Variants in PTPRN2 observed in about 807,000 individuals in gnomAD.
The protein encoded by PTPRN2 is protein tyrosine phosphatase receptor type N2.
A neutral mutation model predicts 118.8 loss-of-function variants in PTPRN2; 74 were observed. The ratio of observed to expected loss-of-function variants is 0.62; its 90% confidence interval spans 0.52 to 0.76. The LOEUF (loss-of-function observed/expected upper bound fraction) is 0.76. PTPRN2 is among the 30% of genes least tolerant of loss of function. PTPRN2 has a pLI of 0.00. For missense variants in PTPRN2, 1,481 were observed against 1,394.4 expected (o/e 1.06, Z -0.99); for synonymous variants, 641 against 608.0 (o/e 1.05, Z -0.80).
intron 12 of PTPRN2, among the ~76,000 whole-genome samples, chr7:157,834,263 A>G (rs1372712470): frequency 7.6e-6 from 1 of 131,388 alleles, no homozygotes; most frequent in African/African-American, 3.3e-5. Context: ...CCACCCACCA[A>G]TCAGTGAGCC....
chr7:158,244,745 T>C (rs905065129), intron 3 of PTPRN2, among the ~76,000 whole-genome samples: 1 of 150,682 alleles, frequency 6.6e-6, no homozygotes, highest in African/African-American at 2.4e-5. Context: ...TGTGTGTGAG[T>C]TGTGTGGTTA....
chr7:157,815,692 A>G (rs1462929342), intron 12 of PTPRN2, among the ~76,000 whole-genome samples: 2 of 152,178 alleles, frequency 1.3e-5, no homozygotes, highest in South Asian at 2.1e-4. Context: ...AGCCACCCAC[A>G]TCCAAGGACT....
In PTPRN2 at chr7:157,596,312, G is replaced by C. The variant is rs111487649; in HGVS notation, c.2419-997C>G. ...GTCTGTGGCAGAGCCGGGGCGGAAG[G>C]GCCTTGCTGGGAGTGGCCTCCTGTT... On this transcript the variant is annotated intron_variant, in intron 16 of 22. Coordinates refer to ENST00000389418, the MANE Select transcript of PTPRN2 (RefSeq NM_002847.5). This position sits in a 1 kb window ranked among gnomAD's most constrained non-coding sequence, Gnocchi z 4.2. Among the ~76,000 whole-genome samples, 217 of 152,312 alleles carry C rather than the reference G, an allele frequency of 1.4e-3. No homozygotes were observed. Among genetic ancestry groups the C allele is most frequent in the African/African-American group, 4.9e-3 (203 of 41,556 alleles).
intron 3 of PTPRN2, among the ~76,000 whole-genome samples, chr7:158,298,597 C>A (rs1800656725): frequency 6.6e-6 from 1 of 152,148 alleles, no homozygotes; most frequent in South Asian, 2.1e-4. Context: ...GAATGAAGAG[C>A]TTGCGGGGGA....
intron 12 of PTPRN2, among the ~76,000 whole-genome samples, chr7:157,866,399 C>T (rs1810670164): frequency 6.6e-6 from 1 of 152,096 alleles, no homozygotes; most frequent in Non-Finnish European, 1.5e-5. Context: ...TCCACATGTA[C>T]ACACATACAT....
chr7:157,875,621 C>T (rs866850542), intron 12 of PTPRN2, among the ~76,000 whole-genome samples: 1 of 152,224 alleles, frequency 6.6e-6, no homozygotes, highest in Middle Eastern at 3.2e-3. Context: ...GATTGTGGGG[C>T]CATGGCCTGT....
At chr7:157,628,823 G>A (rs191399086) in intron 14 of PTPRN2, among the ~76,000 whole-genome samples, 4 of 152,170 alleles carry the variant, frequency 2.6e-5, no homozygotes, top group Non-Finnish European at 4.4e-5. Flanking sequence ...GCTGCACTGC[G>A]GTTCTGGGGA....
chr7:157,935,933 C>T (rs1288803417), intron 11 of PTPRN2, among the ~76,000 whole-genome samples: 1 of 150,186 alleles, frequency 6.7e-6, no homozygotes, highest in Non-Finnish European at 1.5e-5. Flanking sequence ...TCCTCAGCAT[C>T]TGTGTCGCTC....
chr7:158,297,659 G>GA (rs1800595781), intron 3 of PTPRN2, among the ~76,000 whole-genome samples: 1 of 152,210 alleles, frequency 6.6e-6, no homozygotes, highest in East Asian at 1.9e-4. Context: ...CAGGTTTCTT[G>GA]TAAAACAGAG....
chr7:157,838,200 A>G (rs1808114224), intron 12 of PTPRN2, among the ~76,000 whole-genome samples: 1 of 149,488 alleles, frequency 6.7e-6, no homozygotes, highest in African/African-American at 2.5e-5. Context: ...GGTACGGGAG[A>G]AAGCTCCTCT....
intron 9 of PTPRN2, 122 bp from the exon 10 acceptor site, chr7:158,111,037 G>T: frequency 1.2e-6 from 1 of 810,462 alleles, no homozygotes; most frequent in Non-Finnish European, 1.9e-6. Context: ...CTCCTGGCCT[G>T]GGGTCAGCTG....
intron 12 of PTPRN2, among the ~76,000 whole-genome samples, chr7:157,788,260 A>C (rs1414558205): frequency 6.6e-6 from 1 of 151,738 alleles, no homozygotes; most frequent in Non-Finnish European, 1.5e-5. Flanking sequence ...CTGTAGTCCC[A>C]GCTACTGGGG....
intron 11 of PTPRN2, among the ~76,000 whole-genome samples, chr7:158,049,696 T>C (rs572792293): frequency 6.6e-6 from 1 of 151,552 alleles, no homozygotes; most frequent in South Asian, 2.1e-4. Flanking sequence ...AGGTCAGGGG[T>C]TCAAGACCAG....
chr7:158,261,334 G>A (rs953044160), intron 3 of PTPRN2, among the ~76,000 whole-genome samples: 7 of 135,668 alleles, frequency 5.2e-5, no homozygotes, highest in African/African-American at 8.0e-5. Context: ...GGGGAGGGAG[G>A]TAACAGCCCC....
At chr7:158,154,604 A>C (rs1345672212) in intron 6 of PTPRN2, among the ~76,000 whole-genome samples, 2 of 152,232 alleles carry the variant, frequency 1.3e-5, no homozygotes, top group Non-Finnish European at 2.9e-5. Context: ...ATCAGAGAAC[A>C]GGAGGCATTT....
intron 3 of PTPRN2, among the ~76,000 whole-genome samples, chr7:158,277,388 G>A (rs1387941502): frequency 2.0e-5 from 3 of 152,230 alleles, no homozygotes; most frequent in Non-Finnish European, 2.9e-5. Context: ...ATGTGCTCCA[G>A]ACGGAGGAGG....
intron 11 of PTPRN2, among the ~76,000 whole-genome samples, chr7:157,909,123 A>C (rs1313720850): frequency 6.6e-6 from 1 of 152,254 alleles, no homozygotes; most frequent in African/African-American, 2.4e-5. Flanking sequence ...CAGCCCATCG[A>C]GAGAACATCA....
intron 1 of PTPRN2, among the ~76,000 whole-genome samples, chr7:158,572,280 AT>A (rs1828083627): frequency 1.3e-5 from 2 of 152,224 alleles, no homozygotes; most frequent in African/African-American, 4.8e-5. Flanking sequence ...GGATAAACAT[AT>A]GAATTCCCCT....
chr7:158,465,872 T>C (rs1434979036), intron 2 of PTPRN2, among the ~76,000 whole-genome samples: 1 of 152,190 alleles, frequency 6.6e-6, no homozygotes, highest in Non-Finnish European at 1.5e-5. Context: ...GGTGCAGTCA[T>C]GTGGGCTAAG....
Sources: gnomAD v4.1 joint callset for allele counts (sites outside exome capture counted in the v4.1 genomes callset) on GRCh38, gnomAD v4.1.1 for gene constraint, Gnocchi (gnomAD v3.1) non-coding constraint, MANE v1.5 for transcripts, NCBI Gene and HGNC (gene_info 2026-07-23, HGNC 2026-07-21) for gene names.